Variants in MAGI3 observed in about 807,000 individuals in gnomAD.
The protein encoded by MAGI3 is membrane associated guanylate kinase, WW and PDZ domain containing 3, also known as membrane-associated guanylate kinase, WW and PDZ domain-containing protein 3.
A neutral mutation model predicts 121.8 loss-of-function variants in MAGI3; 43 were observed. The ratio of observed to expected loss-of-function variants is 0.35; its 90% CI spans 0.28 to 0.46. MAGI3 has a LOEUF of 0.46. MAGI3 is among the 20% of genes least tolerant of loss of function. MAGI3 has a pLI of 1.00. For synonymous variants in MAGI3, 553 were observed against 639.3 expected, an observed-to-expected ratio of 0.86 and a Z score of 2.04; for missense variants, 1,547 against 1,797.3, an observed-to-expected ratio of 0.86 and a Z score of 2.52.
At chr1:113,657,914 A>G (rs1230767433) in intron 15 of MAGI3, among the ~76,000 whole-genome samples, 2 of 152,238 alleles carry the variant, frequency 1.3e-5, no homozygotes, top group African/African-American at 4.8e-5. Context: ...CACTGTCTGT[A>G]GGGAAATAAA....
intron 11 of MAGI3, 25 bp from the exon 12 acceptor site, chr1:113,646,461 T>A (rs1205965870): frequency 1.3e-6 from 2 of 1,558,942 alleles, no homozygotes; most frequent in African/African-American, 2.8e-5. Flanking sequence ...TAAAAAATAC[T>A]AAGTAAGGCT....
chr1:113,469,157 G>A (rs1010826004), intron 1 of MAGI3, among the ~76,000 whole-genome samples: 1 of 152,160 alleles, frequency 6.6e-6, no homozygotes, highest in African/African-American at 2.4e-5. Context: ...TCTCATAACA[G>A]CATCTGTAAG....
chr1:113,590,346 A>G (rs1648617137), intron 4 of MAGI3, 138 bp from the exon 5 acceptor site: 1 of 789,470 alleles, frequency 1.3e-6, no homozygotes, highest in Non-Finnish European at 2.0e-6. Flanking sequence ...TTTAAAATTT[A>G]TAGCAGAATG....
chr1:113,539,393 G>GA (rs530823031), intron 1 of MAGI3, among the ~76,000 whole-genome samples: 299 of 113,086 alleles, frequency 2.6e-3, no homozygotes, highest in African/African-American at 4.9e-3. Context: ...CTCCGTCTCA[G>GA]AAAAAAAAAA....
chr1:113,487,297 G>A (rs1464750535), intron 1 of MAGI3, among the ~76,000 whole-genome samples: 1 of 152,146 alleles, frequency 6.6e-6, no homozygotes, highest in Admixed American at 6.6e-5. Context: ...TTGGCTGGGT[G>A]GTAAGAATAG....
At chr1:113,680,962 C>A (rs1648180449) in intron 19 of MAGI3, among the ~76,000 whole-genome samples, 1 of 152,088 alleles carries the variant, frequency 6.6e-6, no homozygotes, top group African/African-American at 2.4e-5. Flanking sequence ...TAGTTAGTAG[C>A]CATATAAAAC....
intron 4 of MAGI3, among the ~76,000 whole-genome samples, chr1:113,586,516 A>C (rs544454805): frequency 6.6e-6 from 1 of 152,186 alleles, no homozygotes; most frequent in Non-Finnish European, 1.5e-5. Context: ...TTATAGTCCT[A>C]TCTTTCACAT....
chr1:113,519,070 C>T (rs984775263), intron 1 of MAGI3, among the ~76,000 whole-genome samples: 2 of 152,028 alleles, frequency 1.3e-5, no homozygotes, highest in African/African-American at 4.8e-5. Context: ...CACCCTAATT[C>T]TCTCTATGAA....
rs376570785 is a variant in MAGI3 at position 113,647,298 on chromosome 1, A to G, written c.2155+656A>G. 3.9e-5 allele frequency among the ~76,000 whole-genome samples: 6 copies of G among 152,324 alleles called. No homozygotes were observed. The East Asian group carries it at 9.6e-4, about 24-fold the overall frequency. The stretch of plus-strand genomic sequence containing the variant: ...GAGGAAGGCCAATGATGCCCTTCCA[A>G]GGGAGCTGGAGTTGGTCATATAAAT... On this transcript the variant is annotated intron_variant, in intron 12 of 20. Coordinates refer to ENST00000307546, the MANE Select transcript of MAGI3 (RefSeq NM_001142782.2).
intron 1 of MAGI3, among the ~76,000 whole-genome samples, chr1:113,460,081 T>C (rs1028039286): frequency 6.6e-6 from 1 of 152,194 alleles, no homozygotes. Flanking sequence ...CATGATCAAG[T>C]AGGCTTCATC....
chr1:113,516,106 A>G (rs757655439), intron 1 of MAGI3, among the ~76,000 whole-genome samples: 1 of 152,042 alleles, frequency 6.6e-6, no homozygotes, highest in African/African-American at 2.4e-5. Context: ...GAGTGAACTC[A>G]TGTTTAACTT....
chr1:113,479,132 C>T (rs1655993331), intron 1 of MAGI3, among the ~76,000 whole-genome samples: 1 of 152,184 alleles, frequency 6.6e-6, no homozygotes, highest in Non-Finnish European at 1.5e-5. Context: ...CGGGAGTGTC[C>T]TGTTTTTCTA....
At chr1:113,565,289 A>G (rs539194030) in intron 2 of MAGI3, among the ~76,000 whole-genome samples, 4 of 152,342 alleles carry the variant, frequency 2.6e-5, no homozygotes, top group African/African-American at 9.6e-5. Flanking sequence ...GTATCCAAAA[A>G]CATCCTCATA....
chr1:113,406,733 C>T (rs991723896), intron 1 of MAGI3, among the ~76,000 whole-genome samples: 2 of 151,856 alleles, frequency 1.3e-5, no homozygotes, highest in African/African-American at 2.4e-5. Flanking sequence ...ATAGTGAGAC[C>T]CTGTCTCTAA....
At chr1:113,627,671 T>G (rs911598707) in intron 9 of MAGI3, among the ~76,000 whole-genome samples, 3 of 150,484 alleles carry the variant, frequency 2.0e-5, no homozygotes, top group Non-Finnish European at 4.4e-5. Context: ...GTAAAGCAAG[T>G]AACACTTGCT....
chr1:113,424,236 C>T (rs551610885), intron 1 of MAGI3, among the ~76,000 whole-genome samples: 4 of 142,350 alleles, frequency 2.8e-5, no homozygotes, highest in South Asian at 4.6e-4. Flanking sequence ...CTGGCATCCT[C>T]GCAGTGACCA....
At chr1:113,450,014 A>C in intron 1 of MAGI3, 2 of 1,570,398 alleles carry the variant, frequency 1.3e-6, no homozygotes, top group Non-Finnish European at 1.7e-6. Context: ...CAGTGAAGAA[A>C]ATTTTTGTTG....
intron 1 of MAGI3, among the ~76,000 whole-genome samples, chr1:113,513,596 C>A (rs1419727995): frequency 6.6e-6 from 1 of 152,094 alleles, no homozygotes; most frequent in Non-Finnish European, 1.5e-5. Flanking sequence ...GAAACTGGAT[C>A]CCTTCCTCAC....
chr1:113,560,334 C>G (rs530585265), intron 2 of MAGI3, among the ~76,000 whole-genome samples: 101 of 152,002 alleles, frequency 6.6e-4, no homozygotes, highest in African/African-American at 2.4e-3. Flanking sequence ...TGAGATTGTG[C>G]CACTGCACTC....
Sources: allele counts gnomAD v4.1 joint callset (sites outside exome capture counted in the v4.1 genomes callset), GRCh38; gene constraint gnomAD v4.1.1; transcripts MANE v1.5; gene names NCBI Gene and HGNC (gene_info 2026-07-23, HGNC 2026-07-21).